The following COL5A2 variants were observed in gnomAD, a reference collection of about 807,000 sequenced individuals.
The protein encoded by COL5A2 is collagen alpha-2(V) chain.
Under a neutral mutation model 208.2 loss-of-function variants are expected in COL5A2, and 23 were observed. The observed-to-expected ratio is 0.11, with a 90% CI of 0.08 to 0.16. The LOEUF (loss-of-function observed/expected upper bound fraction) is 0.16. COL5A2 is among the 10% of genes least tolerant of loss of function. The pLI, the probability that COL5A2 is intolerant of heterozygous loss-of-function variation, is 1.00. For missense variants in COL5A2, 1,590 were observed against 1,956.4 expected, an observed-to-expected ratio of 0.81 and a Z score of 3.53; for synonymous variants, 625 against 628.5, an observed-to-expected ratio of 0.99 and a Z score of 0.08.
the COL5A2 span, among the ~76,000 whole-genome samples, chr2:189,342,583 C>T: frequency 1.1e-4 from 13 of 121,448 alleles, no homozygotes; most frequent in African/African-American, 3.4e-4. Flanking sequence ...AAAAAACCAA[C>T]CCCAAATTTT....
chr2:189,379,637 A>C, the COL5A2 span, among the ~76,000 whole-genome samples: 1 of 152,210 alleles, frequency 6.6e-6, no homozygotes, highest in African/African-American at 2.4e-5. Context: ...TTCATTTACA[A>C]TAAATTAGTC....
At chr2:189,434,124 C>G in the COL5A2 span, among the ~76,000 whole-genome samples, 5 of 151,640 alleles carry the variant, frequency 3.3e-5, no homozygotes, top group African/African-American at 1.2e-4. Flanking sequence ...CGAAAAAATT[C>G]AACAGCCCTT....
chr2:189,385,832 A>G, the COL5A2 span, among the ~76,000 whole-genome samples: 1 of 152,154 alleles, frequency 6.6e-6, no homozygotes, highest in South Asian at 2.1e-4. Context: ...CACAATAAGT[A>G]CCAGGTAGAC....
chr2:189,170,211 T>C (rs749006641), intron 1 of COL5A2, among the ~76,000 whole-genome samples: 1 of 152,168 alleles, frequency 6.6e-6, no homozygotes, highest in African/African-American at 2.4e-5. Context: ...CCCGAGAATA[T>C]GGAAATACAA....
At chr2:189,342,508 T>TGC in the COL5A2 span, among the ~76,000 whole-genome samples, 5 of 148,652 alleles carry the variant, frequency 3.4e-5, no homozygotes, top group South Asian at 2.1e-4. Context: ...TATGTATATA[T>TGC]ACATATATAT....
intron 3 of COL5A2, among the ~76,000 whole-genome samples, chr2:189,102,978 G>A (rs79118084): frequency 0.039 from 5,991 of 152,136 alleles, 198 homozygotes; most frequent in Admixed American, 0.083. Context: ...TACTTTTGGA[G>A]AAAGGCAGCA....
chr2:189,166,723 T>C (rs1172575692), intron 1 of COL5A2, among the ~76,000 whole-genome samples: 1 of 152,190 alleles, frequency 6.6e-6, no homozygotes, highest in Non-Finnish European at 1.5e-5. Context: ...ATACTGGGGC[T>C]TTTACCCAGA....
the COL5A2 span, among the ~76,000 whole-genome samples, chr2:189,404,619 T>C: frequency 7.4e-4 from 112 of 152,320 alleles, 4 homozygotes; most frequent in South Asian, 0.023. Context: ...GCCTTCATAA[T>C]TGCACGAGCC....
intron 1 of COL5A2, among the ~76,000 whole-genome samples, chr2:189,145,603 T>C (rs1688023970): frequency 1.3e-5 from 2 of 152,070 alleles, no homozygotes; most frequent in Non-Finnish European, 2.9e-5. Flanking sequence ...TAGATCATTC[T>C]GGGCTCTTTA....
At chr2:189,191,229 G>A (rs1688924004) in intron 1 of COL5A2, among the ~76,000 whole-genome samples, 1 of 150,004 alleles carries the variant, frequency 6.7e-6, no homozygotes, top group Admixed American at 6.6e-5. Flanking sequence ...TAGTAGCCTA[G>A]CAGAGTTAAG....
chr2:189,378,219 AG>A, the COL5A2 span, among the ~76,000 whole-genome samples: 1 of 152,178 alleles, frequency 6.6e-6, no homozygotes, highest in Non-Finnish European at 1.5e-5. Context: ...GTTTACATTA[AG>A]GATATGAGGC....
the COL5A2 span, among the ~76,000 whole-genome samples, chr2:189,357,240 C>T: frequency 3.3e-5 from 5 of 152,154 alleles, no homozygotes; most frequent in African/African-American, 4.8e-5. Context: ...GCCACTCTGA[C>T]CCTTATCAGA....
the COL5A2 span, among the ~76,000 whole-genome samples, chr2:189,382,314 T>C: frequency 6.6e-6 from 1 of 152,076 alleles, no homozygotes; most frequent in South Asian, 2.1e-4. Flanking sequence ...GCCATGATCA[T>C]GCCGCTACAC....
Position 189,032,944 on chromosome 2 carries a change from A to G in COL5A2, c.*1126T>C, listed in dbSNP as rs1479716424. On this transcript the variant is annotated 3_prime_UTR_variant, in exon 54 of 54. Coordinates refer to ENST00000374866, the MANE Select transcript of COL5A2 (RefSeq NM_000393.5). ...CTATCTCCAGTCTTGGAATAATAACAGAAGCATAGCACCTTTCAGTATCTA... is the reference window on the plus strand; with the variant it reads ...CTATCTCCAGTCTTGGAATAATAACGGAAGCATAGCACCTTTCAGTATCTA... The G allele has an allele frequency of 6.6e-6, 1 of 152,628 alleles. No individual in the cohort carries two copies. Among genetic ancestry groups the G allele is most frequent in the Non-Finnish European group, 1.5e-5 (1 of 68,008 alleles). The allele number at this position is 152,628 out of a possible 1,614,324, so 9.5% of individuals were successfully genotyped here.
the COL5A2 span, among the ~76,000 whole-genome samples, chr2:189,406,797 T>C: frequency 6.6e-6 from 1 of 152,230 alleles, no homozygotes; most frequent in Non-Finnish European, 1.5e-5. Flanking sequence ...GCAATGATGA[T>C]GCAAGATAAA....
At chr2:189,335,056 T>C in the COL5A2 span, among the ~76,000 whole-genome samples, 3 of 151,998 alleles carry the variant, frequency 2.0e-5, no homozygotes, top group Non-Finnish European at 4.4e-5. Context: ...TCACATTACA[T>C]GTAAAAAAAA....
At chr2:189,220,975 T>C (rs909938741) in intron 1 of COL5A2, among the ~76,000 whole-genome samples, 1 of 152,198 alleles carries the variant, frequency 6.6e-6, no homozygotes, top group African/African-American at 2.4e-5. Flanking sequence ...TTCACTGTCA[T>C]ATCTCCAGGG....
chr2:189,423,301 A>C, the COL5A2 span, among the ~76,000 whole-genome samples: 1 of 151,956 alleles, frequency 6.6e-6, no homozygotes. Context: ...AATTTCAAAT[A>C]AACAACCTAA....
chr2:189,297,962 T>C, the COL5A2 span, among the ~76,000 whole-genome samples: 4 of 152,216 alleles, frequency 2.6e-5, no homozygotes, highest in Non-Finnish European at 1.5e-5. Flanking sequence ...CATAACTTTC[T>C]AGTAACTTTT....
Sources: allele counts gnomAD v4.1 joint callset (sites outside exome capture counted in the v4.1 genomes callset), GRCh38; gene constraint gnomAD v4.1.1; transcripts MANE v1.5; gene names NCBI Gene and HGNC (gene_info 2026-07-23, HGNC 2026-07-21).